Variants in OPCML observed in about 807,000 individuals in gnomAD.
OPCML encodes opioid-binding protein/cell adhesion molecule.
In OPCML, 13 loss-of-function variants were observed where a neutral mutation model predicts 37.8. The observed-to-expected ratio is 0.34, with a 90% CI of 0.22 to 0.55. The LOEUF is 0.55. Ranked by LOEUF, OPCML falls within the 20% of genes least tolerant of loss-of-function variation. The probability of loss-of-function intolerance (pLI) is 0.91; values close to 1 mark genes in which losing one functional copy is unlikely to be tolerated. For synonymous variants in OPCML, 176 were observed against 168.8 expected (o/e 1.04, Z -0.33); for missense variants, 341 against 435.6 (o/e 0.78, Z 1.93).
chr11:132,530,473 T>C (rs998016864), intron 3 of OPCML, among the ~76,000 whole-genome samples: 1 of 152,102 alleles, frequency 6.6e-6, no homozygotes, highest in South Asian at 2.1e-4. Context: ...TCCAATCTAT[T>C]CCCTACATGT....
At position 133,174,095 on chromosome 11, in the gene OPCML, T is replaced by A. The variant is rs1950330900; in HGVS notation, c.62-231085A>T. The stretch of plus-strand genomic sequence containing the variant: ...CAATCCTGTGAGATGCCTCGTTTGA[T>A]TAATTTATGTCAGCGTTTTCTGTGT... On this transcript the variant is annotated intron_variant, in intron 1 of 7. Coordinates refer to ENST00000524381, the MANE Select transcript of OPCML (RefSeq NM_001012393.5). This position sits in a 1 kb window ranked among gnomAD's most constrained non-coding sequence, Gnocchi z 4.6. Among the ~76,000 whole-genome samples, 1 of 152,206 alleles carries A rather than the reference T, an allele frequency of 6.6e-6. No individual in the cohort carries two copies. Among genetic ancestry groups the A allele is most frequent in the Non-Finnish European group, 1.5e-5 (1 of 68,036 alleles).
chr11:132,971,832 G>C (rs936406569), intron 1 of OPCML, among the ~76,000 whole-genome samples: 1 of 152,000 alleles, frequency 6.6e-6, no homozygotes, highest in Non-Finnish European at 1.5e-5. Context: ...CCCAAATCTA[G>C]ATATGTGGGC....
intron 1 of OPCML, among the ~76,000 whole-genome samples, chr11:133,255,232 TG>T (rs999117069): frequency 3.3e-5 from 5 of 152,086 alleles, no homozygotes; most frequent in African/African-American, 1.2e-4. Flanking sequence ...AGCACGAAAC[TG>T]GGGTATAAAA....
At chr11:133,223,331 T>C (rs1939912679) in intron 1 of OPCML, among the ~76,000 whole-genome samples, 1 of 152,222 alleles carries the variant, frequency 6.6e-6, no homozygotes, top group African/African-American at 2.4e-5. Flanking sequence ...GGACAGCACA[T>C]AGGAAAAGAA....
At chr11:133,435,419 G>A (rs920378915) in intron 1 of OPCML, among the ~76,000 whole-genome samples, 2 of 152,166 alleles carry the variant, frequency 1.3e-5, no homozygotes, top group African/African-American at 4.8e-5. Flanking sequence ...AAAGAAAGCT[G>A]TTCTCATCTT....
At position 132,554,177 on chromosome 11, in the gene OPCML, A is replaced by G. The variant is rs544135310; in HGVS notation, c.380-24991T>C. ...CCTCTTCCACTCTGACAGACAAATTATCAGGCAAATTCCGATTTCCTTCAC... is the reference window on the plus strand; with the variant it reads ...CCTCTTCCACTCTGACAGACAAATTGTCAGGCAAATTCCGATTTCCTTCAC... On this transcript the variant is annotated intron_variant, in intron 3 of 7. Coordinates refer to ENST00000524381, the MANE Select transcript of OPCML (RefSeq NM_001012393.5). Among the ~76,000 whole-genome samples, 82 of 152,324 alleles carry G rather than the reference A, an allele frequency of 5.4e-4. 2 individuals carry two copies. Among genetic ancestry groups the G allele is most frequent in the African/African-American group, 1.9e-3 (79 of 41,578 alleles).
intron 1 of OPCML, among the ~76,000 whole-genome samples, chr11:133,414,292 C>G (rs1162014438): frequency 2.0e-5 from 3 of 152,070 alleles, no homozygotes; most frequent in Non-Finnish European, 4.4e-5. Flanking sequence ...GCCAGCATGA[C>G]CCTTTCTGAG....
chr11:132,714,001 G>A (rs1222329024), intron 2 of OPCML, among the ~76,000 whole-genome samples: 1 of 151,806 alleles, frequency 6.6e-6, no homozygotes. Context: ...GGCTAATTAT[G>A]TTATATTCCC....
intron 1 of OPCML, among the ~76,000 whole-genome samples, chr11:132,954,905 G>A (rs947846532): frequency 1.3e-5 from 2 of 152,162 alleles, no homozygotes; most frequent in Non-Finnish European, 2.9e-5. Flanking sequence ...AAATCAGGGA[G>A]GAGACCTTTA....
intron 2 of OPCML, among the ~76,000 whole-genome samples, chr11:132,825,207 C>T (rs756472330): frequency 4.6e-5 from 7 of 152,188 alleles, no homozygotes; most frequent in Admixed American, 1.3e-4. Context: ...TTACCTGGCA[C>T]GTAGCCTAAT....
At chr11:132,541,735 A>C (rs970463574) in intron 3 of OPCML, among the ~76,000 whole-genome samples, 1 of 152,144 alleles carries the variant, frequency 6.6e-6, no homozygotes, top group Non-Finnish European at 1.5e-5. Context: ...AGAGGCTGAG[A>C]TGTGTCTCCC....
intron 1 of OPCML, among the ~76,000 whole-genome samples, chr11:133,048,818 G>A (rs576060144): frequency 1.9e-4 from 29 of 152,250 alleles, no homozygotes; most frequent in Admixed American, 1.8e-3. Flanking sequence ...CTCTTTGAAG[G>A]TATTTAGGAC....
At chr11:132,476,114 T>C (rs1414124147) in intron 4 of OPCML, among the ~76,000 whole-genome samples, 1 of 152,228 alleles carries the variant, frequency 6.6e-6, no homozygotes, top group African/African-American at 2.4e-5. Context: ...ATGTACACTA[T>C]ATTTACATGC....
intron 1 of OPCML, among the ~76,000 whole-genome samples, chr11:133,101,772 T>G (rs1294537933): frequency 6.6e-6 from 1 of 152,132 alleles, no homozygotes; most frequent in Non-Finnish European, 1.5e-5. Flanking sequence ...CACATGGTTG[T>G]TTATGGAAAC....
intron 1 of OPCML, among the ~76,000 whole-genome samples, chr11:133,115,121 A>G (rs2137101991): frequency 6.6e-6 from 1 of 152,322 alleles, no homozygotes; most frequent in African/African-American, 2.4e-5. Context: ...TTTGCCATAT[A>G]TCTGCACCCA....
At chr11:132,622,318 A>C (rs1157029448) in intron 3 of OPCML, among the ~76,000 whole-genome samples, 2 of 152,168 alleles carry the variant, frequency 1.3e-5, no homozygotes, top group Non-Finnish European at 2.9e-5. Context: ...AAGACAACTG[A>C]AGAAAGGGGG....
intron 3 of OPCML, among the ~76,000 whole-genome samples, chr11:132,560,301 A>C (rs1416387843): frequency 1.3e-5 from 2 of 152,204 alleles, no homozygotes; most frequent in Non-Finnish European, 2.9e-5. Context: ...TAATATCAAA[A>C]ATCAAAATCT....
intron 4 of OPCML, among the ~76,000 whole-genome samples, chr11:132,511,775 A>G (rs563895900): frequency 6.6e-6 from 1 of 151,952 alleles, no homozygotes; most frequent in East Asian, 1.9e-4. Flanking sequence ...CAGCTAAACA[A>G]AAAAGTTACA....
intron 2 of OPCML, among the ~76,000 whole-genome samples, chr11:132,810,085 G>A (rs1939252809): frequency 6.6e-6 from 1 of 152,008 alleles, no homozygotes; most frequent in African/African-American, 2.4e-5. Context: ...TCCTAACCTC[G>A]TGATCCGCCC....
Sources: gnomAD v4.1 joint callset for allele counts (sites outside exome capture counted in the v4.1 genomes callset) on GRCh38, gnomAD v4.1.1 for gene constraint, Gnocchi (gnomAD v3.1) non-coding constraint, MANE v1.5 for transcripts, NCBI Gene and HGNC (gene_info 2026-07-23, HGNC 2026-07-21) for gene names.